Variants in ANKIB1 observed in about 807,000 individuals in gnomAD.
ANKIB1 encodes the protein ankyrin repeat and IBR domain containing 1.
Under a neutral mutation model 122.1 loss-of-function variants are expected in ANKIB1, and 43 were observed. The observed-to-expected ratio is 0.35, with a 90% CI of 0.28 to 0.45. The LOEUF (loss-of-function observed/expected upper bound fraction) is 0.45. Among genes scored for constraint, ANKIB1 ranks in the 20% least tolerant of loss-of-function variants. ANKIB1 has a pLI of 1.00. For missense variants in ANKIB1, 992 were observed against 1,329.5 expected, an observed-to-expected ratio of 0.75 and a Z score of 3.95; for synonymous variants, 390 against 442.0, an observed-to-expected ratio of 0.88 and a Z score of 1.48.
Position 92,332,568 on chromosome 7 carries a change from CTT to C in ANKIB1, c.787+4669_787+4670del, listed in dbSNP as rs1803193195. 2.6e-5 allele frequency among the ~76,000 whole-genome samples: 4 copies of C among 152,180 alleles called. No homozygotes were observed. In the South Asian group the frequency reaches 6.2e-4, roughly 24 times the overall value. ...AGTATTTCCCCAGTAATAAAAGTAA[CTT>C]ATGTAATTGAATATTACCTAATGAA... On this transcript the variant is annotated intron_variant, in intron 5 of 19. Transcript: ENST00000265742.
intron 1 of ANKIB1, among the ~76,000 whole-genome samples, chr7:92,277,878 G>A (rs896042436): frequency 2.6e-5 from 4 of 152,178 alleles, no homozygotes; most frequent in African/African-American, 4.8e-5. Flanking sequence ...GAGGTCAGGA[G>A]TTCGAGGCCA....
chr7:92,326,748 T>C (rs2131956871), intron 4 of ANKIB1, among the ~76,000 whole-genome samples: 1 of 152,296 alleles, frequency 6.6e-6, no homozygotes, highest in South Asian at 2.1e-4. Context: ...TAAATTGCAG[T>C]GCCTCTTTCT....
At chr7:92,371,141 A>ATACAATAGT (rs1720339821) in intron 10 of ANKIB1, among the ~76,000 whole-genome samples, 1 of 151,710 alleles carries the variant, frequency 6.6e-6, no homozygotes, top group East Asian at 1.9e-4. Flanking sequence ...ATTTTCTGTG[A>ATACAATAGT]TACAATAGTT....
At chr7:92,273,278 T>C (rs1386662226) in intron 1 of ANKIB1, among the ~76,000 whole-genome samples, 1 of 152,220 alleles carries the variant, frequency 6.6e-6, no homozygotes, top group African/African-American at 2.4e-5. Context: ...TATCATCTTA[T>C]TCAGCTGAAC....
intron 1 of ANKIB1, among the ~76,000 whole-genome samples, chr7:92,263,180 C>T (rs1423095023): frequency 6.6e-6 from 1 of 152,120 alleles, no homozygotes; most frequent in Non-Finnish European, 1.5e-5. Flanking sequence ...TAGGTTTTTA[C>T]ACATGTATTC....
rs1031413379 is a variant in ANKIB1 at position 92,324,354 on chromosome 7, C to T, written c.670-3429C>T. Among the ~76,000 whole-genome samples, 11 of 152,334 alleles carry T rather than the reference C, an allele frequency of 7.2e-5. No homozygotes were observed. In the East Asian group the frequency reaches 2.1e-3, roughly 29 times the overall value. Reference sequence around the variant, plus strand: ...GTTCAAGCCATTCTCCTGCCTGAGCCTCCCAAGTAGCTGGGATTACAGGCG... The same window carrying T: ...GTTCAAGCCATTCTCCTGCCTGAGCTTCCCAAGTAGCTGGGATTACAGGCG... On this transcript the variant is annotated intron_variant, in intron 4 of 19. Transcript: ENST00000265742.
intron 11 of ANKIB1, among the ~76,000 whole-genome samples, chr7:92,385,917 A>G (rs1177646269): frequency 6.6e-6 from 1 of 152,168 alleles, no homozygotes; most frequent in Non-Finnish European, 1.5e-5. Flanking sequence ...CATTAAGAGT[A>G]CCTGAAGACA....
intron 1 of ANKIB1, among the ~76,000 whole-genome samples, chr7:92,264,202 A>G (rs544014148): frequency 6.7e-6 from 1 of 149,120 alleles, no homozygotes; most frequent in South Asian, 2.2e-4. Context: ...TTTTTCTGGA[A>G]GCGAAAAGGA....
chr7:92,284,680 C>T (rs78809913), intron 1 of ANKIB1, among the ~76,000 whole-genome samples: 1 of 150,942 alleles, frequency 6.6e-6, no homozygotes, highest in Non-Finnish European at 1.5e-5. Flanking sequence ...TTCATTTGTT[C>T]CTTCTTTCTT....
At chr7:92,263,803 G>C (rs1801611697) in intron 1 of ANKIB1, among the ~76,000 whole-genome samples, 1 of 152,090 alleles carries the variant, frequency 6.6e-6, no homozygotes, top group South Asian at 2.1e-4. Flanking sequence ...TGTTGCTTAT[G>C]GGTATAATGA....
At chr7:92,373,493 G>A (rs1339368838) in intron 11 of ANKIB1, among the ~76,000 whole-genome samples, 1 of 152,096 alleles carries the variant, frequency 6.6e-6, no homozygotes, top group South Asian at 2.1e-4. Flanking sequence ...GCATTGAAAA[G>A]AAACATTTAC....
At chr7:92,319,248 T>A (rs552147170) in intron 3 of ANKIB1, 82 bp from the exon 4 acceptor site, 1 of 852,326 alleles carries the variant, frequency 1.2e-6, no homozygotes, top group Non-Finnish European at 1.8e-6. Flanking sequence ...TTAATTTTAT[T>A]ATATTTTTAA....
chr7:92,300,828 G>A, intron 2 of ANKIB1, among the ~76,000 whole-genome samples: 1 of 151,966 alleles, frequency 6.6e-6, no homozygotes, highest in Non-Finnish European at 1.5e-5. Context: ...CTGAAAATTT[G>A]TACCCTTTGA....
At chr7:92,350,182 C>G (rs1446355057) in intron 7 of ANKIB1, among the ~76,000 whole-genome samples, 2 of 151,778 alleles carry the variant, frequency 1.3e-5, no homozygotes, top group Non-Finnish European at 2.9e-5. Context: ...AAAAGAAAAC[C>G]TATAAACCTA....
chr7:92,327,674 G>T, intron 4 of ANKIB1, 109 bp from the exon 5 acceptor site: 1 of 475,344 alleles, frequency 2.1e-6, no homozygotes, highest in South Asian at 5.3e-5. Flanking sequence ...CCAATCCGTG[G>T]AATGTGGAAC....
intron 11 of ANKIB1, among the ~76,000 whole-genome samples, chr7:92,383,164 A>G (rs1337703722): frequency 6.6e-6 from 1 of 152,232 alleles, no homozygotes; most frequent in African/African-American, 2.4e-5. Flanking sequence ...ATTCCTGGAC[A>G]CATACACCCT....
At chr7:92,249,591 G>A (rs778425586) in intron 1 of ANKIB1, among the ~76,000 whole-genome samples, 7 of 152,012 alleles carry the variant, frequency 4.6e-5, no homozygotes, top group Non-Finnish European at 8.8e-5. Flanking sequence ...GTGGTGGCAC[G>A]CCCCTGTAAT....
In ANKIB1 at chr7:92,258,913, G is replaced by A. The variant is rs570205346; in HGVS notation, c.-91+12394G>A. On this transcript the variant is annotated intron_variant, in intron 1 of 19. Coordinates refer to ENST00000265742, the MANE Select transcript of ANKIB1 (RefSeq NM_019004.2). ...AAGTAGCATCAACCACACATCAAAG[G>A]CCAGGTTTTTTGTTTGTTTTTTGGA... Among the ~76,000 whole-genome samples, 8 of 152,054 alleles carry A rather than the reference G, an allele frequency of 5.3e-5. No homozygotes were observed. The South Asian group carries it at 1.7e-3, about 32-fold the overall frequency.
chr7:92,387,986 C>T lies in ANKIB1; in HGVS notation c.1851C>T (p.Arg617=), dbSNP rs1229559283. The change falls in exon 14 of 20, where the codon CGC becomes CGT. Residue 617 remains arginine (R), a synonymous_variant. Transcript: ENST00000265742. ...NHEHSYQLEQ[R]LLKTAKEKME... ...TTCTATTCCTTTAGCTAGAACAACGCCTTCTTAAAACAGCCAAAGAAAAGA... is the reference window on the plus strand; with the variant it reads ...TTCTATTCCTTTAGCTAGAACAACGTCTTCTTAAAACAGCCAAAGAAAAGA... 2 of 1,584,628 alleles carry T rather than the reference C, an allele frequency of 1.3e-6. No homozygotes were observed. The highest frequency in any genetic ancestry group is 1.8e-5 in the Admixed American group (1 of 55,204).
Sources: allele counts gnomAD v4.1 joint callset (sites outside exome capture counted in the v4.1 genomes callset), GRCh38; gene constraint gnomAD v4.1.1; transcripts MANE v1.5; gene names NCBI Gene and HGNC (gene_info 2026-07-23, HGNC 2026-07-21).